Variants in STK3 observed in about 807,000 individuals in gnomAD.
STK3 encodes the protein serine/threonine kinase 3.
In STK3, 41 loss-of-function variants were observed where a neutral mutation model predicts 58.0. The observed-to-expected ratio is 0.71, with a 90% CI of 0.55 to 0.92. STK3 has a LOEUF of 0.92. Ranked by LOEUF, STK3 falls within the 40% of genes least tolerant of loss-of-function variation. The probability of loss-of-function intolerance (pLI) is 0.00; values close to 1 mark genes in which losing one functional copy is unlikely to be tolerated. For synonymous variants in STK3, 170 were observed against 191.0 expected (o/e 0.89, Z 0.91); for missense variants, 479 against 602.7 (o/e 0.79, Z 2.15).
chr8:98,344,818 G>A, the STK3 span, among the ~76,000 whole-genome samples: 10 of 147,336 alleles, frequency 6.8e-5, no homozygotes, highest in South Asian at 2.2e-4. Context: ...GCGTGAACCC[G>A]GGAGGCGGAG....
intron 6 of STK3, among the ~76,000 whole-genome samples, chr8:98,648,106 A>G (rs1211614807): frequency 1.3e-5 from 2 of 152,126 alleles, no homozygotes; most frequent in African/African-American, 4.8e-5. Flanking sequence ...AGCAATGACA[A>G]CCTAATATGT....
chr8:98,768,533 T>C (rs979136524), intron 2 of STK3, among the ~76,000 whole-genome samples: 8 of 152,196 alleles, frequency 5.3e-5, no homozygotes, highest in African/African-American at 1.9e-4. Flanking sequence ...CAAAGTCACA[T>C]TGGGCTGGGT....
chr8:98,675,870 G>GA (rs1039232102), intron 6 of STK3, among the ~76,000 whole-genome samples: 15 of 138,480 alleles, frequency 1.1e-4, no homozygotes, highest in East Asian at 1.1e-3. Flanking sequence ...TCTCAAAAAA[G>GA]AAAAAAAAAA....
chr8:98,689,397 A>G (rs527410542), intron 6 of STK3, among the ~76,000 whole-genome samples: 4 of 152,292 alleles, frequency 2.6e-5, no homozygotes, highest in Admixed American at 1.3e-4. Context: ...TATCATCCTG[A>G]TATCAAAATC....
the STK3 span, among the ~76,000 whole-genome samples, chr8:98,359,736 C>T: frequency 3.9e-5 from 6 of 152,076 alleles, no homozygotes; most frequent in African/African-American, 4.8e-5. Context: ...TTCAGTGGCT[C>T]GCATACCCCA....
intron 9 of STK3, among the ~76,000 whole-genome samples, chr8:98,545,885 A>G (rs1291330472): frequency 6.6e-6 from 1 of 152,168 alleles, no homozygotes; most frequent in Non-Finnish European, 1.5e-5. Context: ...AAACTACAAT[A>G]ATTATATGGT....
intron 2 of STK3, among the ~76,000 whole-genome samples, chr8:98,378,204 T>C (rs1415654524): frequency 6.6e-6 from 1 of 152,190 alleles, no homozygotes; most frequent in African/African-American, 2.4e-5. Context: ...ACAGCCCCAT[T>C]CACATCCAGC....
At chr8:98,521,657 G>T (rs903239103) in intron 10 of STK3, among the ~76,000 whole-genome samples, 2 of 151,914 alleles carry the variant, frequency 1.3e-5, no homozygotes, top group East Asian at 1.9e-4. Context: ...CTCTGATCTG[G>T]ATCTACTTTT....
At chr8:98,482,150 AT>A (rs1236969559) in intron 10 of STK3, among the ~76,000 whole-genome samples, 1 of 152,196 alleles carries the variant, frequency 6.6e-6, no homozygotes, top group Non-Finnish European at 1.5e-5. Context: ...TAAAAAGAAA[AT>A]AACCTGCAGG....
downstream of STK3, among the ~76,000 whole-genome samples, chr8:98,367,469 C>G (rs576009903): frequency 3.3e-4 from 50 of 152,294 alleles, no homozygotes; most frequent in African/African-American, 1.1e-3. Context: ...GATAGGAAAC[C>G]CTTAGAAATC....
intron 3 of STK3, among the ~76,000 whole-genome samples, chr8:98,762,253 TTTTTG>T (rs1262238645): frequency 1.3e-5 from 2 of 152,168 alleles, no homozygotes; most frequent in African/African-American, 2.4e-5. Context: ...TTGTTTCTTT[TTTTTG>T]TTTTGTTTTG....
chr8:98,894,851 A>G (rs1838390615), intron 1 of STK3, among the ~76,000 whole-genome samples: 1 of 152,156 alleles, frequency 6.6e-6, no homozygotes, highest in South Asian at 2.1e-4. Context: ...TTCTTTGTTC[A>G]CTGCTGTGTC....
chr8:98,827,187 T>A (rs1403293459), upstream of STK3, among the ~76,000 whole-genome samples: 8 of 143,950 alleles, frequency 5.6e-5, no homozygotes, highest in Non-Finnish European at 1.1e-4. Context: ...AATACAAAAG[T>A]TAGCCGGGCC....
At chr8:98,643,527 A>C (rs1174612588) in intron 6 of STK3, among the ~76,000 whole-genome samples, 1 of 152,160 alleles carries the variant, frequency 6.6e-6, no homozygotes, top group Non-Finnish European at 1.5e-5. Context: ...TACCATTTAA[A>C]AGTACAATCA....
At chr8:98,665,316 C>T (rs1452055816) in intron 6 of STK3, among the ~76,000 whole-genome samples, 1 of 152,138 alleles carries the variant, frequency 6.6e-6, no homozygotes, top group Non-Finnish European at 1.5e-5. Flanking sequence ...TCCTATGAAG[C>T]AGAAGTCAAA....
At chr8:98,706,157 A>G (rs1008096619) in intron 6 of STK3, among the ~76,000 whole-genome samples, 10 of 152,136 alleles carry the variant, frequency 6.6e-5, no homozygotes, top group African/African-American at 2.4e-4. Context: ...AGAAAACAAT[A>G]AACTGAAGAG....
chr8:98,697,757 T>C (rs1038376689), intron 6 of STK3, among the ~76,000 whole-genome samples: 1 of 152,208 alleles, frequency 6.6e-6, no homozygotes, highest in African/African-American at 2.4e-5. Context: ...TTACATTTGC[T>C]GAGGAGAGCT....
At chr8:98,790,921 T>C (rs932559454) in intron 1 of STK3, among the ~76,000 whole-genome samples, 1 of 151,826 alleles carries the variant, frequency 6.6e-6, no homozygotes, top group African/African-American at 2.4e-5. Flanking sequence ...GAGGCAGAGG[T>C]TGCAGTGAGC....
At chr8:98,423,285 C>T (rs1818193424) in intron 3 of STK3, among the ~76,000 whole-genome samples, 1 of 152,252 alleles carries the variant, frequency 6.6e-6, no homozygotes, top group South Asian at 2.1e-4. Context: ...TCAGGCCTCT[C>T]TGAGGAGGTG....
Sources: gnomAD v4.1 joint callset for allele counts (sites outside exome capture counted in the v4.1 genomes callset) on GRCh38, gnomAD v4.1.1 for gene constraint, MANE v1.5 for transcripts, NCBI Gene and HGNC (gene_info 2026-07-23, HGNC 2026-07-21) for gene names.